Variants in FBXO42 observed in about 807,000 individuals in gnomAD.
FBXO42 encodes F-box protein 42, also known as F-box only protein 42.
In FBXO42, 12 loss-of-function variants were observed where a neutral mutation model predicts 71.7. That is an observed-to-expected ratio of 0.17 (90% confidence interval 0.11 to 0.27). The LOEUF (loss-of-function observed/expected upper bound fraction) is 0.27, where lower values mean the gene tolerates loss of function less well. FBXO42 is among the 10% of genes least tolerant of loss of function. The probability of loss-of-function intolerance (pLI) is 1.00; values close to 1 mark genes in which losing one functional copy is unlikely to be tolerated. For synonymous variants in FBXO42, 325 were observed against 327.5 expected (o/e 0.99, Z 0.08); for missense variants, 707 against 911.9 (o/e 0.78, Z 2.89).
chr1:16,351,900 G>A (rs1337069466), intron 1 of FBXO42, among the ~76,000 whole-genome samples: 1 of 152,120 alleles, frequency 6.6e-6, no homozygotes, highest in Non-Finnish European at 1.5e-5. Context: ...CTCCTCTCTC[G>A]CAAAGGAGTG....
At chr1:16,331,354 G>A (rs1247905302) in intron 1 of FBXO42, among the ~76,000 whole-genome samples, 14 of 151,922 alleles carry the variant, frequency 9.2e-5, no homozygotes, top group Admixed American at 9.2e-4. Flanking sequence ...GGCAGAGCTT[G>A]CAGTGAGCCG....
At chr1:16,347,478 C>T (rs1222416796) in intron 1 of FBXO42, among the ~76,000 whole-genome samples, 1 of 152,098 alleles carries the variant, frequency 6.6e-6, no homozygotes, top group Non-Finnish European at 1.5e-5. Context: ...GGCGCCACTG[C>T]CCTCCAGCCT....
intron 3 of FBXO42, among the ~76,000 whole-genome samples, chr1:16,300,362 G>A (rs940615243): frequency 6.6e-6 from 1 of 152,120 alleles, no homozygotes; most frequent in African/African-American, 2.4e-5. Context: ...ATTACACACA[G>A]AGCAAGCAAA....
intron 4 of FBXO42, among the ~76,000 whole-genome samples, chr1:16,268,683 G>A (rs780984566): frequency 6.6e-6 from 1 of 152,058 alleles, no homozygotes; most frequent in Non-Finnish European, 1.5e-5. Context: ...GAACAAAGAG[G>A]CCGGGCACAG....
intron 3 of FBXO42, among the ~76,000 whole-genome samples, chr1:16,299,518 T>C (rs1168945500): frequency 6.6e-6 from 1 of 152,166 alleles, no homozygotes; most frequent in African/African-American, 2.4e-5. Context: ...CACACTACTG[T>C]ATTTTCAGTG....
chr1:16,306,859 T>C (rs577267599), intron 2 of FBXO42, among the ~76,000 whole-genome samples: 33 of 152,106 alleles, frequency 2.2e-4, no homozygotes, highest in Non-Finnish European at 3.2e-4. Flanking sequence ...CCACCATGCC[T>C]GGCTAAAATG....
chr1:16,320,339 C>G (rs142587211), intron 1 of FBXO42, among the ~76,000 whole-genome samples: 2,265 of 102,070 alleles, frequency 0.022, 60 homozygotes, highest in African/African-American at 0.076. Context: ...CTAGCCTGGG[C>G]AACAAGAGCA....
chr1:16,287,305 T>C (rs1442221483), intron 4 of FBXO42, among the ~76,000 whole-genome samples: 1 of 151,694 alleles, frequency 6.6e-6, no homozygotes, highest in Non-Finnish European at 1.5e-5. Flanking sequence ...CTTGTTCTAA[T>C]GTCGCCTTCT....
intron 4 of FBXO42, among the ~76,000 whole-genome samples, chr1:16,263,073 GTC>G (rs2081732238): frequency 6.6e-6 from 1 of 151,900 alleles, no homozygotes; most frequent in Non-Finnish European, 1.5e-5. Context: ...CAAACAATAA[GTC>G]TCTACTAGAA....
intron 1 of FBXO42, among the ~76,000 whole-genome samples, chr1:16,337,473 T>C (rs1182925267): frequency 2.6e-5 from 4 of 152,142 alleles, no homozygotes; most frequent in African/African-American, 9.7e-5. Flanking sequence ...TGAGATAAAT[T>C]AACTTGCCCA....
chr1:16,342,935 C>T (rs1411068574), intron 1 of FBXO42, among the ~76,000 whole-genome samples: 1 of 152,108 alleles, frequency 6.6e-6, no homozygotes, highest in Non-Finnish European at 1.5e-5. Context: ...TGTCAACTTC[C>T]CCTTTGACCT....
At chr1:16,253,548 C>T in intron 7 of FBXO42, 87 bp downstream of exon 7, 1 of 1,176,022 alleles carries the variant, frequency 8.5e-7, no homozygotes, top group Non-Finnish European at 1.2e-6. Flanking sequence ...TGCATATTGG[C>T]ATCTTACCTG....
intron 4 of FBXO42, among the ~76,000 whole-genome samples, chr1:16,288,959 A>T (rs58956352): frequency 0.028 from 4,003 of 145,372 alleles, 175 homozygotes; most frequent in African/African-American, 0.096. Flanking sequence ...CTATGTCTCA[A>T]AAAAAAAAAA....
At chr1:16,334,420 A>G (rs958292558) in intron 1 of FBXO42, among the ~76,000 whole-genome samples, 1 of 118,346 alleles carries the variant, frequency 8.4e-6, no homozygotes, top group Non-Finnish European at 1.9e-5. Flanking sequence ...CTCCGCCTCA[A>G]AAAAAAAAAA....
chr1:16,329,262 C>A (rs1199734328), intron 1 of FBXO42, among the ~76,000 whole-genome samples: 1 of 151,248 alleles, frequency 6.6e-6, no homozygotes, highest in Admixed American at 6.6e-5. Flanking sequence ...AACAACTGGG[C>A]CATAAAATAA....
At chr1:16,288,939 T>C (rs1359569876) in intron 4 of FBXO42, among the ~76,000 whole-genome samples, 7 of 148,838 alleles carry the variant, frequency 4.7e-5, no homozygotes, top group African/African-American at 7.5e-5. Context: ...GCCTGGGTGA[T>C]AGAGTGAGAC....
chr1:16,335,063 CAAAAAAAAAAAAAAAA>C lies in FBXO42; in HGVS notation c.-18+17176_-18+17191del, dbSNP rs55983316. On this transcript the variant is annotated intron_variant, in intron 1 of 9. Coordinates refer to ENST00000375592, the MANE Select transcript of FBXO42 (RefSeq NM_018994.3). Reference sequence around the variant, plus strand: ...GCAACACAGCAAAACCTCGTCTGTACAAAAAAAAAAAAAAAAAAAAAAAAAAAATTAGCCAGGCTTG... The same window carrying C: ...GCAACACAGCAAAACCTCGTCTGTACAAAAAAAAAAAATTAGCCAGGCTTG... 1.2e-4 allele frequency among the ~76,000 whole-genome samples: 8 copies of C among 69,026 alleles called. No individual in the cohort carries two copies. The South Asian group carries it at 3.9e-3, about 34-fold the overall frequency. 45.3% of individuals were successfully genotyped at this position (69,026 alleles called of 152,430 possible). A position where few individuals can be genotyped will look rare whatever the true frequency, so the allele number is the denominator to read the frequency against.
intron 2 of FBXO42, among the ~76,000 whole-genome samples, chr1:16,314,883 G>GA (rs1017107142): frequency 0.011 from 1,368 of 123,714 alleles, 22 homozygotes; most frequent in Admixed American, 0.048. Context: ...GACTCCGTCT[G>GA]AAAAAAAAAA....
rs540352491 is a variant in FBXO42, at chr1:16,348,658, G to A, written c.-18+3597C>T. Among the ~76,000 whole-genome samples the A allele has an allele frequency of 7.2e-5, 11 of 152,212 alleles. No individual in the cohort carries two copies. The East Asian group carries it at 9.6e-4, about 13-fold the overall frequency. ...AGAGGTTACAGTGAGCAGAGATTGC[G>A]CCACTGCACTCCAGCCTAGGCGATA... On this transcript the variant is annotated intron_variant, in intron 1 of 9. Coordinates refer to ENST00000375592, the MANE Select transcript of FBXO42 (RefSeq NM_018994.3).
Sources: allele counts gnomAD v4.1 joint callset (sites outside exome capture counted in the v4.1 genomes callset), GRCh38; gene constraint gnomAD v4.1.1; transcripts MANE v1.5; gene names NCBI Gene and HGNC (gene_info 2026-07-23, HGNC 2026-07-21).